The following PARD3B variants were observed in gnomAD, a reference collection of about 807,000 sequenced individuals.
PARD3B encodes partitioning defective 3 homolog B.
A neutral mutation model predicts 130.2 loss-of-function variants in PARD3B; 103 were observed. That is an observed-to-expected ratio of 0.79 (90% CI 0.67 to 0.93). PARD3B has a LOEUF of 0.93. Among genes scored for constraint, PARD3B ranks in the 40% least tolerant of loss-of-function variants. PARD3B has a pLI of 0.00. For missense variants in PARD3B, 1,609 were observed against 1,499.2 expected, an observed-to-expected ratio of 1.07 and a Z score of -1.21; for synonymous variants, 583 against 553.2, an observed-to-expected ratio of 1.05 and a Z score of -0.76.
intron 19 of PARD3B, among the ~76,000 whole-genome samples, chr2:205,425,435 G>A (rs2047110969): frequency 6.6e-6 from 1 of 151,302 alleles, no homozygotes; most frequent in Non-Finnish European, 1.5e-5. Flanking sequence ...AAATGGCAGT[G>A]TTTAGTAGCA....
chr2:205,007,856 T>C (rs1287999290), intron 3 of PARD3B, among the ~76,000 whole-genome samples: 2 of 152,174 alleles, frequency 1.3e-5, no homozygotes, highest in East Asian at 3.9e-4. Context: ...CAACGAAATC[T>C]ATGATTTTTT....
Position 204,907,600 on chromosome 2 carries a change from A to T in PARD3B, c.223-57552A>T, listed in dbSNP as rs969780242. On this transcript the variant is annotated intron_variant, in intron 2 of 22. Coordinates refer to ENST00000406610, the MANE Select transcript of PARD3B (RefSeq NM_001302769.2). This position sits in a 1 kb window ranked among gnomAD's most constrained non-coding sequence, Gnocchi z 5.7. ...TTAGTTTCATGGAATTCGGAGTTTG[A>T]TCAGTGTTTGGTCATAAAATTGTGT... 2.6e-5 allele frequency among the ~76,000 whole-genome samples: 4 copies of T among 152,096 alleles called. No individual in the cohort carries two copies. Among genetic ancestry groups the T allele is most frequent in the African/African-American group, 9.7e-5 (4 of 41,412 alleles).
intron 15 of PARD3B, among the ~76,000 whole-genome samples, chr2:205,212,928 G>T (rs1036535902): frequency 1.6e-4 from 25 of 152,120 alleles, no homozygotes; most frequent in African/African-American, 4.6e-4. Context: ...GTCAGGCATA[G>T]TTTTTTTGCA....
intron 3 of PARD3B, among the ~76,000 whole-genome samples, chr2:205,031,681 A>G (rs1214422427): frequency 6.6e-6 from 1 of 152,156 alleles, no homozygotes; most frequent in Admixed American, 6.6e-5. Flanking sequence ...GCTATAATAA[A>G]TAAATAGCGT....
At chr2:205,168,022 G>A (rs1313780147) in intron 11 of PARD3B, among the ~76,000 whole-genome samples, 1 of 152,190 alleles carries the variant, frequency 6.6e-6, no homozygotes, top group Non-Finnish European at 1.5e-5. Context: ...TGATGAGATT[G>A]AAACCATGCC....
chr2:204,935,146 C>CTTTTTTTTTTTTT (rs71032422), intron 2 of PARD3B, among the ~76,000 whole-genome samples: 1 of 138,666 alleles, frequency 7.2e-6, no homozygotes, highest in African/African-American at 2.6e-5. Context: ...GTTTTCCCTA[C>CTTTTTTTTTTTTT]TTTTTTTTTT....
chr2:204,821,714 T>A lies in PARD3B; in HGVS notation c.222+135432T>A, dbSNP rs185640633. Reference sequence around the variant, plus strand: ...ATAATAATAATAAAATAAAAAAAATTAAAAAAAAATAAAAAAAATAGAAAT... The same window carrying A: ...ATAATAATAATAAAATAAAAAAAATAAAAAAAAAATAAAAAAAATAGAAAT... On this transcript the variant is annotated intron_variant, in intron 2 of 22. Transcript: ENST00000406610. 7.0e-3 allele frequency among the ~76,000 whole-genome samples: 1,049 copies of A among 150,224 alleles called. 12 individuals are homozygous for A. Among genetic ancestry groups the A allele is most frequent in the African/African-American group, 0.022 (904 of 40,954 alleles).
intron 2 of PARD3B, among the ~76,000 whole-genome samples, chr2:204,766,290 A>G (rs569010173): frequency 3.3e-5 from 5 of 152,346 alleles, no homozygotes; most frequent in African/African-American, 9.6e-5. Flanking sequence ...TAAAATACAT[A>G]TCAGTACTTA....
rs1210662139 is a variant in PARD3B at position 205,325,326 on chromosome 2, G to A, written c.2630+23625G>A. ...CATAATGTGCCATGACAGCATTAAG[G>A]TAGTCAATGCCTTGGGCTTTTCATA... On this transcript the variant is annotated intron_variant, in intron 18 of 22. Transcript: ENST00000406610. The surrounding 1 kb of genome is among the most constrained non-coding windows in gnomAD (Gnocchi z 4.1). Among the ~76,000 whole-genome samples the A allele has an allele frequency of 4.6e-5, 7 of 152,068 alleles. No homozygotes were observed. The highest frequency in any genetic ancestry group is 1.7e-4 in the African/African-American group (7 of 41,412).
intron 1 of PARD3B, among the ~76,000 whole-genome samples, chr2:204,570,158 C>T (rs889318260): frequency 3.9e-5 from 6 of 152,080 alleles, no homozygotes; most frequent in Non-Finnish European, 8.8e-5. Flanking sequence ...GCTACAAAGT[C>T]ACAAAATGTA....
intron 19 of PARD3B, among the ~76,000 whole-genome samples, chr2:205,401,566 A>G (rs927363875): frequency 6.6e-6 from 1 of 152,240 alleles, no homozygotes; most frequent in Non-Finnish European, 1.5e-5. Flanking sequence ...TCATTCTTTA[A>G]AAAGACACTG....
intron 18 of PARD3B, among the ~76,000 whole-genome samples, chr2:205,357,786 T>C (rs972965468): frequency 2.0e-5 from 3 of 152,234 alleles, no homozygotes; most frequent in African/African-American, 4.8e-5. Flanking sequence ...TATGGCTTAA[T>C]GTTTCTCTTT....
At chr2:204,798,148 G>T (rs992675050) in intron 2 of PARD3B, among the ~76,000 whole-genome samples, 9 of 152,098 alleles carry the variant, frequency 5.9e-5, no homozygotes, top group Non-Finnish European at 1.0e-4. Flanking sequence ...CACTGGAGAG[G>T]GTAGGAAGGA....
chr2:205,364,238 G>C (rs2044512299), intron 18 of PARD3B, among the ~76,000 whole-genome samples: 1 of 152,134 alleles, frequency 6.6e-6, no homozygotes, highest in African/African-American at 2.4e-5. Context: ...AGAGCTTCAA[G>C]ACTCTGAAGT....
chr2:205,564,074 CTG>C lies in PARD3B; in HGVS notation c.3260+10672_3260+10673del, dbSNP rs996014106. On this transcript the variant is annotated intron_variant, in intron 22 of 22. Transcript: ENST00000406610. This position sits in a 1 kb window ranked among gnomAD's most constrained non-coding sequence, Gnocchi z 4.6. ...CATCCCTATTTTATGGATGAAGAAA[CTG>C]AGACTGGGAGATGCAAACAGGTGTG... Among the ~76,000 whole-genome samples, 20 of 152,328 alleles carry C rather than the reference CTG, an allele frequency of 1.3e-4. No individual in the cohort carries two copies. Among genetic ancestry groups the C allele is most frequent in the African/African-American group, 4.6e-4 (19 of 41,570 alleles).
At chr2:205,319,712 C>T (rs1326151063) in intron 18 of PARD3B, among the ~76,000 whole-genome samples, 3 of 152,142 alleles carry the variant, frequency 2.0e-5, no homozygotes, top group Non-Finnish European at 4.4e-5. Flanking sequence ...TCATAGTGTA[C>T]ATTCAACAAT....
intron 11 of PARD3B, among the ~76,000 whole-genome samples, chr2:205,166,826 A>G (rs1431824115): frequency 6.6e-6 from 1 of 152,138 alleles, no homozygotes; most frequent in Non-Finnish European, 1.5e-5. Flanking sequence ...ACCTGAAGTC[A>G]AGCTTTGGGG....
intron 11 of PARD3B, among the ~76,000 whole-genome samples, chr2:205,161,110 T>C (rs1336094804): frequency 6.6e-6 from 1 of 152,204 alleles, no homozygotes; most frequent in Non-Finnish European, 1.5e-5. Context: ...CCAAGTAAAA[T>C]TGAAACTGAG....
intron 3 of PARD3B, among the ~76,000 whole-genome samples, chr2:205,001,592 G>A (rs1262697273): frequency 6.6e-6 from 1 of 152,216 alleles, no homozygotes; most frequent in African/African-American, 2.4e-5. Flanking sequence ...GCACGTGAGA[G>A]TGATAAACCT....
Sources: allele counts gnomAD v4.1 joint callset (sites outside exome capture counted in the v4.1 genomes callset), GRCh38; gene constraint gnomAD v4.1.1; non-coding constraint Gnocchi (gnomAD v3.1); transcripts MANE v1.5; gene names NCBI Gene and HGNC (gene_info 2026-07-23, HGNC 2026-07-21).